CD80: variants seen among roughly 807,000 people sequenced by gnomAD.
CD80 encodes the protein T-lymphocyte activation antigen CD80.
CD80 carries 13 observed loss-of-function variants against 27.1 expected under a neutral mutation model. The observed-to-expected ratio is 0.48, with a 90% CI of 0.31 to 0.76. The LOEUF (loss-of-function observed/expected upper bound fraction) is 0.76. Among genes scored for constraint, CD80 ranks in the 30% least tolerant of loss-of-function variants. The probability of loss-of-function intolerance (pLI) is 0.04; values close to 1 mark genes in which losing one functional copy is unlikely to be tolerated. For missense variants in CD80, 277 were observed against 347.9 expected (o/e 0.80, Z 1.62); for synonymous variants, 125 against 125.5 (o/e 1.00, Z 0.03).
At chr3:119,538,839 A>G (rs7653123) in intron 3 of CD80, among the ~76,000 whole-genome samples, 13,368 of 152,266 alleles carry the variant, frequency 0.088, 764 homozygotes, top group Non-Finnish European at 0.12. Context: ...TGCCTAATTT[A>G]CAAACCTGTG....
chr3:119,558,765 C>CAA (rs11343154), intron 1 of CD80, among the ~76,000 whole-genome samples: 19 of 93,646 alleles, frequency 2.0e-4, no homozygotes, highest in African/African-American at 3.9e-4. Flanking sequence ...GACTCCATCT[C>CAA]AAAAAAAAAA....
intron 2 of CD80, among the ~76,000 whole-genome samples, chr3:119,552,225 A>G (rs1304604106): frequency 6.6e-6 from 1 of 152,082 alleles, no homozygotes; most frequent in Non-Finnish European, 1.5e-5. Flanking sequence ...GTGGTGGCTC[A>G]CGCCTGTAAT....
intron 2 of CD80, among the ~76,000 whole-genome samples, chr3:119,545,197 T>G (rs978971554): frequency 2.6e-5 from 4 of 151,922 alleles, no homozygotes; most frequent in African/African-American, 9.7e-5. Context: ...TACAAAAAAT[T>G]AGCCGGGTGT....
At chr3:119,553,597 G>T (rs2082246184) in intron 2 of CD80, among the ~76,000 whole-genome samples, 1 of 152,178 alleles carries the variant, frequency 6.6e-6, no homozygotes, top group Non-Finnish European at 1.5e-5. Context: ...GCCCCTCCCA[G>T]GGAGTTCAAC....
chr3:119,525,144 G>T lies in CD80; in HGVS notation c.*644C>A, dbSNP rs1259083647. On this transcript the variant is annotated 3_prime_UTR_variant, in exon 7 of 7. Transcript: ENST00000264246. ...AGTTCTCCTTTCTGCTGTACCTCAT[G>T]GGGGAGTGAGAGAGCAGCAATAGAG... is the stretch of plus-strand genomic sequence containing the variant. 1 of 152,178 alleles carries T rather than the reference G, an allele frequency of 6.6e-6. No individual in the cohort carries two copies. Among genetic ancestry groups the T allele is most frequent in the Non-Finnish European group, 1.5e-5 (1 of 68,034 alleles). 9.4% of individuals were successfully genotyped at this position (152,178 alleles called of 1,614,324 possible).
At chr3:119,556,961 T>C (rs1400884702) in intron 2 of CD80, among the ~76,000 whole-genome samples, 1 of 152,148 alleles carries the variant, frequency 6.6e-6, no homozygotes, top group East Asian at 1.9e-4. Context: ...CCTCTAGAAG[T>C]CAAATTATTA....
intron 3 of CD80, among the ~76,000 whole-genome samples, chr3:119,538,905 A>G (rs183400440): frequency 3.3e-5 from 5 of 152,270 alleles, no homozygotes; most frequent in Admixed American, 3.3e-4. Flanking sequence ...GCATTGAACT[A>G]TAGTCATGAG....
intron 2 of CD80, among the ~76,000 whole-genome samples, chr3:119,549,462 C>A (rs968969957): frequency 5.9e-5 from 9 of 152,214 alleles, no homozygotes; most frequent in African/African-American, 2.2e-4. Context: ...CCCAGCGCCC[C>A]CTGCCCAGTG....
chr3:119,553,817 T>C (rs1047799383), intron 2 of CD80, among the ~76,000 whole-genome samples: 1 of 152,218 alleles, frequency 6.6e-6, no homozygotes, highest in Non-Finnish European at 1.5e-5. Context: ...ATGGAAGATA[T>C]AGAAAAGCGT....
At chr3:119,533,384 C>T (rs143421037) in intron 4 of CD80, among the ~76,000 whole-genome samples, 5 of 148,606 alleles carry the variant, frequency 3.4e-5, no homozygotes, top group African/African-American at 1.2e-4. Context: ...ATCATATGCG[C>T]AATCCGCTTA....
intron 2 of CD80, among the ~76,000 whole-genome samples, chr3:119,552,634 G>A (rs1005890010): frequency 1.3e-5 from 2 of 151,148 alleles, no homozygotes; most frequent in African/African-American, 4.9e-5. Flanking sequence ...CCAGGAAATC[G>A]AGACCAGCCT....
intron 4 of CD80, among the ~76,000 whole-genome samples, chr3:119,534,563 C>T (rs2082126754): frequency 6.6e-6 from 1 of 151,958 alleles, no homozygotes; most frequent in Admixed American, 6.6e-5. Context: ...ATTTGCCAAC[C>T]CCTGTCTTAG....
intron 4 of CD80, among the ~76,000 whole-genome samples, chr3:119,531,049 T>A (rs1176467131): frequency 6.6e-6 from 1 of 152,278 alleles, no homozygotes; most frequent in Non-Finnish European, 1.5e-5. Context: ...TGTGTGATGC[T>A]TAGTTCTGGG....
intron 4 of CD80, among the ~76,000 whole-genome samples, chr3:119,534,250 T>C (rs914311675): frequency 2.0e-5 from 3 of 151,764 alleles, no homozygotes; most frequent in Non-Finnish European, 2.9e-5. Context: ...CAGGCACCTG[T>C]AATCCCAGCT....
intron 4 of CD80, among the ~76,000 whole-genome samples, chr3:119,530,462 C>T (rs1237714688): frequency 6.6e-6 from 1 of 152,182 alleles, no homozygotes; most frequent in Admixed American, 6.6e-5. Flanking sequence ...CACCCTCTAG[C>T]TACTGGAAAC....
Position 119,526,196 on chromosome 3 carries a change from A to G in CD80, c.*39-447T>C, listed in dbSNP as rs967801502. ...TTCTCAATAAACCTACATACAGTCCAGTAAAGGATAGAAGGAAGATGTGGT... is the reference window on the plus strand; with the variant it reads ...TTCTCAATAAACCTACATACAGTCCGGTAAAGGATAGAAGGAAGATGTGGT... On this transcript the variant is annotated intron_variant, in intron 6 of 6. Coordinates refer to ENST00000264246, the MANE Select transcript of CD80 (RefSeq NM_005191.4). Among the ~76,000 whole-genome samples the G allele has an allele frequency of 2.6e-5, 4 of 152,168 alleles. 1 individual carries two copies. The highest frequency in any genetic ancestry group is 1.3e-4 in the Admixed American group (2 of 15,268).
At position 119,524,546 on chromosome 3, in the gene CD80, A is replaced by G. The variant is rs2082052964; in HGVS notation, c.*1242T>C. ...AGGAGCAAGGTTTGTGAAGCAGCAT[A>G]GTGAGGTAGCTAAAGCCATGGGCTG... On this transcript the variant is annotated 3_prime_UTR_variant, in exon 7 of 7. Transcript: ENST00000264246. 6.6e-6 allele frequency: 1 copy of G among 152,268 alleles called. No individual in the cohort carries two copies. Among genetic ancestry groups the G allele is most frequent in the South Asian group, 2.1e-4 (1 of 4,832 alleles). 9.4% of individuals were successfully genotyped at this position (152,268 alleles called of 1,614,324 possible).
Position 119,557,816 on chromosome 3 carries a change from G to T in CD80, c.-88C>A. 2.6e-6 allele frequency: 2 copies of T among 758,232 alleles called. No homozygotes were observed. The highest frequency in any genetic ancestry group is 4.3e-6 in the Non-Finnish European group (2 of 468,644). 47.0% of individuals were successfully genotyped at this position (758,232 alleles called of 1,614,324 possible). A position where few individuals can be genotyped will look rare whatever the true frequency, so the allele number is the denominator to read the frequency against. On this transcript the variant is annotated 5_prime_UTR_variant, in exon 2 of 7. Coordinates refer to ENST00000264246, the MANE Select transcript of CD80 (RefSeq NM_005191.4). The stretch of plus-strand genomic sequence containing the variant: ...ACTTCCCAGGTGCAAAACAGGCAGG[G>T]CTGATGACAATCCAATTGCTCACGT...
Position 119,555,786 on chromosome 3 carries a change from A to T in CD80, c.100+1843T>A, listed in dbSNP as rs537446759. 1.3e-4 allele frequency among the ~76,000 whole-genome samples: 20 copies of T among 152,310 alleles called. No homozygotes were observed. In the South Asian group the frequency reaches 4.1e-3, roughly 32 times the overall value. ...CAAATGCAAGAGCCATGTCCCCAGGACCAAGAAAAGTCTCTTGGTTTTAGG... is the reference window on the plus strand; with the variant it reads ...CAAATGCAAGAGCCATGTCCCCAGGTCCAAGAAAAGTCTCTTGGTTTTAGG... On this transcript the variant is annotated intron_variant, in intron 2 of 6. Coordinates refer to ENST00000264246, the MANE Select transcript of CD80 (RefSeq NM_005191.4).
Sources: allele counts gnomAD v4.1 joint callset (sites outside exome capture counted in the v4.1 genomes callset), GRCh38; gene constraint gnomAD v4.1.1; transcripts MANE v1.5; gene names NCBI Gene and HGNC (gene_info 2026-07-23, HGNC 2026-07-21).